SMARCA2: variants seen among roughly 807,000 people sequenced by gnomAD.
SMARCA2 encodes SWI/SNF related BAF chromatin remodeling complex subunit ATPase 2, also known as SWI/SNF-related matrix-associated actin-dependent regulator of chromatin subfamily A member 2.
SMARCA2 carries 61 observed loss-of-function variants against 199.8 expected under a neutral mutation model. The observed-to-expected ratio is 0.31, with a 90% CI of 0.25 to 0.38. The LOEUF (loss-of-function observed/expected upper bound fraction) is 0.38, where lower values mean the gene tolerates loss of function less well. Among genes scored for constraint, SMARCA2 ranks in the 10% least tolerant of loss-of-function variants. The pLI is 1.00. For missense variants in SMARCA2, 1,344 were observed against 2,012.2 expected (o/e 0.67, Z 6.35); for synonymous variants, 935 against 732.0 (o/e 1.28, Z -4.48).
rs1828026792 is a variant in SMARCA2, at chr9:2,193,376, A to T, written c.*637A>T. 1 of 152,694 alleles carries T rather than the reference A, an allele frequency of 6.5e-6. No homozygotes were observed. Among genetic ancestry groups the T allele is most frequent in the Admixed American group, 6.5e-5 (1 of 15,284 alleles). The allele number at this position is 152,694 out of a possible 1,614,324, so 9.5% of individuals were successfully genotyped here. A position where few individuals can be genotyped will look rare whatever the true frequency, so the allele number is the denominator to read the frequency against. Reference sequence around the variant, plus strand: ...AATTTTTTTGCTCTTGATTTAAAAAAAAGTTTTGTTGAAAGCGCTATTGAA... The same window carrying T: ...AATTTTTTTGCTCTTGATTTAAAAATAAGTTTTGTTGAAAGCGCTATTGAA... On this transcript the variant is annotated 3_prime_UTR_variant, in exon 34 of 34. Transcript: ENST00000349721.
In SMARCA2 at chr9:2,110,117, C is replaced by A; in HGVS notation, c.3293-137C>A. On this transcript the variant is annotated intron_variant, in intron 23 of 33. Coordinates refer to ENST00000349721, the MANE Select transcript of SMARCA2 (RefSeq NM_003070.5). The surrounding 1 kb of genome is among the most constrained non-coding windows in gnomAD (Gnocchi z 4.8). The stretch of plus-strand genomic sequence containing the variant: ...GTTCAAAGTTTTTTATCCAGAAGTA[C>A]AAAGCCCTGGAAATTACCTCACCAG... The A allele has an allele frequency of 1.9e-6, 1 of 525,674 alleles. No homozygotes were observed. Among genetic ancestry groups the A allele is most frequent in the Non-Finnish European group, 3.2e-6 (1 of 315,778 alleles). 32.6% of individuals were successfully genotyped at this position (525,674 alleles called of 1,614,324 possible).
At chr9:2,114,716 A>T (rs138626178) in intron 24 of SMARCA2, among the ~76,000 whole-genome samples, 1 of 152,236 alleles carries the variant, frequency 6.6e-6, no homozygotes, top group Non-Finnish European at 1.5e-5. Flanking sequence ...AATTTCATGA[A>T]AGCTTTTTTC....
At chr9:2,183,743 G>A (rs186587052) in intron 31 of SMARCA2, among the ~76,000 whole-genome samples, 218 of 152,296 alleles carry the variant, frequency 1.4e-3, no homozygotes, top group Middle Eastern at 3.4e-3. Context: ...CAAGCCTTCT[G>A]TTACTCAAGA....
In SMARCA2 at chr9:2,086,412, C is replaced by T. The variant is rs867908929; in HGVS notation, c.2527-417C>T. Among the ~76,000 whole-genome samples the T allele has an allele frequency of 3.9e-5, 6 of 152,152 alleles. No individual in the cohort carries two copies. The highest frequency in any genetic ancestry group is 8.8e-5 in the Non-Finnish European group (6 of 68,026). On this transcript the variant is annotated intron_variant, in intron 17 of 33. Coordinates refer to ENST00000349721, the MANE Select transcript of SMARCA2 (RefSeq NM_003070.5). This position sits in a 1 kb window ranked among gnomAD's most constrained non-coding sequence, Gnocchi z 4.3. ...TGGAAAAATCAGTCATTAACCTCTGCTTCAGGTGGGTACCTATATTCTGTG... is the reference window on the plus strand; with the variant it reads ...TGGAAAAATCAGTCATTAACCTCTGTTTCAGGTGGGTACCTATATTCTGTG...
chr9:2,178,918 C>T (rs866922184), intron 29 of SMARCA2, among the ~76,000 whole-genome samples: 1 of 152,172 alleles, frequency 6.6e-6, no homozygotes, highest in South Asian at 2.1e-4. Context: ...AAGAGAACCC[C>T]ACCCTGTAGG....
chr9:2,136,232 G>T (rs1383432035), intron 27 of SMARCA2, among the ~76,000 whole-genome samples: 1 of 147,448 alleles, frequency 6.8e-6, no homozygotes, highest in Non-Finnish European at 1.5e-5. Context: ...CTGTTGCCCC[G>T]GCTGGAGTGC....
chr9:2,086,608 T>A lies in SMARCA2; in HGVS notation c.2527-221T>A, dbSNP rs546646488. Among the ~76,000 whole-genome samples the A allele has an allele frequency of 2.0e-5, 3 of 152,332 alleles. No homozygotes were observed. The East Asian group carries it at 5.8e-4, about 29-fold the overall frequency. Reference sequence around the variant, plus strand: ...AAAAAGTTGATTTGGAATTACGTGGTCTGTAAGGAACATTGTTCCTTTAAC... The same window carrying A: ...AAAAAGTTGATTTGGAATTACGTGGACTGTAAGGAACATTGTTCCTTTAAC... On this transcript the variant is annotated intron_variant, in intron 17 of 33. Transcript: ENST00000349721. The surrounding 1 kb of genome is among the most constrained non-coding windows in gnomAD (Gnocchi z 4.3).
intron 3 of SMARCA2, among the ~76,000 whole-genome samples, chr9:2,036,368 G>A (rs927030888): frequency 2.0e-5 from 3 of 152,016 alleles, no homozygotes; most frequent in Non-Finnish European, 4.4e-5. Flanking sequence ...GACTACTTTC[G>A]AATGAGCAAA....
At position 2,119,918 on chromosome 9, in the gene SMARCA2, G is replaced by A. The variant is rs75893917; in HGVS notation, c.3762+383G>A. Among the ~76,000 whole-genome samples, 711 of 152,270 alleles carry A rather than the reference G, an allele frequency of 4.7e-3. 6 individuals are homozygous for A. Among genetic ancestry groups the A allele is most frequent in the African/African-American group, 0.016 (685 of 41,546 alleles). The stretch of plus-strand genomic sequence containing the variant: ...ATAGACGCCCTCCTGTTCCCAGTTC[G>A]TTTCTAATCCCAGGCCAGTGTCATT... On this transcript the variant is annotated intron_variant, in intron 26 of 33. Transcript: ENST00000349721. The surrounding 1 kb of genome is among the most constrained non-coding windows in gnomAD (Gnocchi z 4.6).
intron 18 of SMARCA2, 97 bp downstream of exon 18, chr9:2,087,168 G>C: frequency 6.8e-7 from 1 of 1,467,260 alleles, no homozygotes; most frequent in Non-Finnish European, 9.3e-7. Context: ...CACCCGCAGG[G>C]TGGTTTCCAC....
rs767354337 is a variant in SMARCA2, at chr9:2,169,450, C to A, written c.4200-969C>A. ...TTTCCAACGCACCCCTCCCAGCTCT[C>A]CTTATATTTCAGACATTCCAAAGAA... On this transcript the variant is annotated intron_variant, in intron 28 of 33. Transcript: ENST00000349721. The surrounding 1 kb of genome is among the most constrained non-coding windows in gnomAD (Gnocchi z 6.5). Among the ~76,000 whole-genome samples, 9 of 152,150 alleles carry A rather than the reference C, an allele frequency of 5.9e-5. No homozygotes were observed. Among genetic ancestry groups the A allele is most frequent in the Non-Finnish European group, 1.0e-4 (7 of 68,028 alleles).
intron 24 of SMARCA2, among the ~76,000 whole-genome samples, chr9:2,114,225 TCTC>T (rs1327942176): frequency 1.3e-5 from 2 of 152,206 alleles, no homozygotes; most frequent in Non-Finnish European, 2.9e-5. Context: ...CACCTTACAT[TCTC>T]CTCTTTAGAA....
chr9:2,177,525 A>AAAAG (rs1276196493), intron 29 of SMARCA2, among the ~76,000 whole-genome samples: 7 of 151,372 alleles, frequency 4.6e-5, no homozygotes, highest in Non-Finnish European at 7.4e-5. Flanking sequence ...AAAAATCATT[A>AAAAG]AAAGACATAA....
rs376184575 is a variant in SMARCA2 at position 2,103,643 on chromosome 9, C to T, written c.3126-360C>T. ...AACATGGCATATACGTGTGTGTGTA[C>T]GTGTGTGTGTGTGTGTGTGAGAGAG... On this transcript the variant is annotated intron_variant, in intron 22 of 33. Coordinates refer to ENST00000349721, the MANE Select transcript of SMARCA2 (RefSeq NM_003070.5). 4.1e-3 allele frequency among the ~76,000 whole-genome samples: 584 copies of T among 143,562 alleles called. 3 individuals carry two copies. The highest frequency in any genetic ancestry group is 0.028 in the Middle Eastern group (8 of 282). 94.2% of individuals were successfully genotyped at this position (143,562 alleles called of 152,430 possible).
intron 8 of SMARCA2, among the ~76,000 whole-genome samples, chr9:2,060,336 G>A (rs1001870514): frequency 1.3e-5 from 2 of 152,140 alleles, no homozygotes; most frequent in South Asian, 2.1e-4. Context: ...TTCAGTTTGG[G>A]TTTAGAAGAA....
intron 18 of SMARCA2, 116 bp downstream of exon 18, chr9:2,087,187 A>C (rs1821837512): frequency 1.6e-6 from 2 of 1,286,162 alleles, no homozygotes; most frequent in Non-Finnish European, 2.2e-6. Flanking sequence ...ACTGTTGTTT[A>C]TTTTATGAAA....
chr9:2,091,253 C>A (rs1430647048), intron 19 of SMARCA2, among the ~76,000 whole-genome samples: 2 of 152,196 alleles, frequency 1.3e-5, no homozygotes, highest in African/African-American at 4.8e-5. Flanking sequence ...CCTGGTACTA[C>A]TTCTTTTCAG....
chr9:2,102,254 A>G (rs1346464929), intron 22 of SMARCA2, among the ~76,000 whole-genome samples: 1 of 152,144 alleles, frequency 6.6e-6, no homozygotes, highest in Admixed American at 6.6e-5. Context: ...GCTAAGAACC[A>G]GGAACTATAG....
At chr9:2,164,022 G>A (rs945892931) in intron 28 of SMARCA2, among the ~76,000 whole-genome samples, 1 of 152,110 alleles carries the variant, frequency 6.6e-6, no homozygotes, top group Non-Finnish European at 1.5e-5. Context: ...TCTCCCTAAG[G>A]TAACAATCAG....
Sources: allele counts gnomAD v4.1 joint callset (sites outside exome capture counted in the v4.1 genomes callset), GRCh38; gene constraint gnomAD v4.1.1; non-coding constraint Gnocchi (gnomAD v3.1); transcripts MANE v1.5; gene names NCBI Gene and HGNC (gene_info 2026-07-23, HGNC 2026-07-21).